Variants in HPS3 observed in about 807,000 individuals in gnomAD.
HPS3 encodes HPS3 biogenesis of lysosomal organelles complex 2 subunit 1, also known as BLOC-2 complex member HPS3.
In HPS3, 79 loss-of-function variants were observed where a neutral mutation model predicts 110.9. That is an observed-to-expected ratio of 0.71 (90% confidence interval 0.59 to 0.86). HPS3 has a LOEUF of 0.86. Ranked by LOEUF, HPS3 falls within the 40% of genes least tolerant of loss-of-function variation. The probability of loss-of-function intolerance (pLI) is 0.00; values close to 1 mark genes in which losing one functional copy is unlikely to be tolerated. For missense variants in HPS3, 1,197 were observed against 1,206.2 expected, an observed-to-expected ratio of 0.99 and a Z score of 0.11; for synonymous variants, 428 against 451.0, an observed-to-expected ratio of 0.95 and a Z score of 0.65.
chr3:149,130,212 G>A, intron 1 of HPS3: 4 of 553,182 alleles, frequency 7.2e-6, no homozygotes, highest in Non-Finnish European at 1.3e-5. Context: ...GCCTCTGGCT[G>A]GATTCCACTC....
intron 5 of HPS3, among the ~76,000 whole-genome samples, chr3:149,146,192 A>G (rs1178515352): frequency 6.6e-6 from 1 of 152,164 alleles, no homozygotes; most frequent in African/African-American, 2.4e-5. Context: ...AGCTTAGATT[A>G]TGTTCAGGGC....
intron 6 of HPS3, among the ~76,000 whole-genome samples, chr3:149,152,574 C>T (rs1313045371): frequency 2.0e-5 from 3 of 152,152 alleles, no homozygotes; most frequent in Non-Finnish European, 4.4e-5. Context: ...AACAAGCACA[C>T]GTTTAGCCCA....
chr3:149,166,070 G>C, intron 14 of HPS3: 1 of 454,182 alleles, frequency 2.2e-6, no homozygotes, highest in Non-Finnish European at 4.4e-6. Context: ...AAAGGGTACA[G>C]GGACAAGAAA....
At chr3:149,154,591 A>C (rs1232714695) in intron 7 of HPS3, among the ~76,000 whole-genome samples, 1 of 152,230 alleles carries the variant, frequency 6.6e-6, no homozygotes, top group African/African-American at 2.4e-5. Flanking sequence ...TTTGATAAAC[A>C]ATTATAAAAG....
chr3:149,160,582 G>A (rs1723734561), intron 11 of HPS3, among the ~76,000 whole-genome samples: 1 of 152,216 alleles, frequency 6.6e-6, no homozygotes, highest in South Asian at 2.1e-4. Context: ...TCTGGCATGA[G>A]GGATATGGTG....
chr3:149,136,036 T>C (rs1030679396), intron 1 of HPS3, among the ~76,000 whole-genome samples: 1 of 152,168 alleles, frequency 6.6e-6, no homozygotes, highest in East Asian at 1.9e-4. Flanking sequence ...AGGGAAAGTT[T>C]ACTTATTTTT....
chr3:149,140,228 C>T lies in HPS3; in HGVS notation c.442C>T (p.Leu148Phe). 1.2e-6 allele frequency: 2 copies of T among 1,614,140 alleles called. No individual in the cohort carries two copies. The highest frequency in any genetic ancestry group is 1.1e-5 in the South Asian group (1 of 91,080). ...TTCCTGTTGCCCTGTGAAAGGAGAC[C>T]TTCTCGTTGGCTGCACAAATAAATT... ...CISCCPVKGD[L>F]LVGCTNKLVL... Residue 148 changes from leucine to phenylalanine, a missense_variant, in exon 2 of 17, where the codon CTT (leucine) becomes TTT (phenylalanine). Physicochemically the swap from Leu to Phe is conservative, Grantham distance 22. Coordinates refer to ENST00000296051, the MANE Select transcript of HPS3 (RefSeq NM_032383.5).
intron 10 of HPS3, among the ~76,000 whole-genome samples, chr3:149,159,407 T>G (rs923930704): frequency 6.6e-6 from 1 of 151,856 alleles, no homozygotes; most frequent in Non-Finnish European, 1.5e-5. Flanking sequence ...TACAGAAAAT[T>G]AAAAAATTAG....
chr3:149,156,080 C>A (rs929528779), intron 8 of HPS3, among the ~76,000 whole-genome samples: 2 of 152,152 alleles, frequency 1.3e-5, no homozygotes, highest in African/African-American at 4.8e-5. Context: ...TATTCCCATT[C>A]CCCACACAGA....
chr3:149,142,868 C>T (rs1309288126), intron 4 of HPS3, among the ~76,000 whole-genome samples: 1 of 151,986 alleles, frequency 6.6e-6, no homozygotes, highest in African/African-American at 2.4e-5. Flanking sequence ...AACAAAAGAC[C>T]CTGACCTCAT....
At chr3:149,154,076 A>G (rs1723296051) in intron 7 of HPS3, 1 of 194,970 alleles carries the variant, frequency 5.1e-6, no homozygotes, top group African/African-American at 2.4e-5. Flanking sequence ...ACCTTAAAGC[A>G]CATTTATGAT....
chr3:149,150,507 C>T lies in HPS3; in HGVS notation c.1164-92C>T, dbSNP rs1354556246. On this transcript the variant is annotated intron_variant, in intron 5 of 16. Coordinates refer to ENST00000296051, the MANE Select transcript of HPS3 (RefSeq NM_032383.5). ...ACAAATACTTGACTGTCACCCCTGC[C>T]CATTGCCCTGTTTGCCTGTGAAACC... is the stretch of plus-strand genomic sequence containing the variant. 9.5e-6 allele frequency: 8 copies of T among 838,250 alleles called. No homozygotes were observed. The East Asian group carries it at 1.3e-4, about 14-fold the overall frequency. The allele number at this position is 838,250 out of a possible 1,614,324, so 51.9% of individuals were successfully genotyped here. A position where few individuals can be genotyped will look rare whatever the true frequency, so the allele number is the denominator to read the frequency against.
At chr3:149,164,739 C>A (rs1724233712) in intron 14 of HPS3, among the ~76,000 whole-genome samples, 1 of 152,208 alleles carries the variant, frequency 6.6e-6, no homozygotes, top group African/African-American at 2.4e-5. Flanking sequence ...AGGGTTGGGG[C>A]TGACCCGCAG....
At chr3:149,163,018 C>A in intron 13 of HPS3, 140 bp downstream of exon 13, 1 of 748,894 alleles carries the variant, frequency 1.3e-6, no homozygotes, top group Non-Finnish European at 2.2e-6. Context: ...GTTAAAAATA[C>A]ACTTAAAATT....
At chr3:149,166,610 A>G (rs1175443343) in intron 14 of HPS3, among the ~76,000 whole-genome samples, 2 of 152,164 alleles carry the variant, frequency 1.3e-5, no homozygotes, top group Non-Finnish European at 2.9e-5. Context: ...TGAGTGTGCC[A>G]TATGTATTTA....
intron 12 of HPS3, 56 bp downstream of exon 12, chr3:149,162,389 G>T: frequency 6.8e-7 from 1 of 1,474,946 alleles, no homozygotes; most frequent in Non-Finnish European, 9.5e-7. Context: ...TTGGTGGTGG[G>T]GAGGGACAGA....
At chr3:149,152,037 C>T (rs1014655968) in intron 6 of HPS3, among the ~76,000 whole-genome samples, 15 of 152,108 alleles carry the variant, frequency 9.9e-5, no homozygotes, top group Non-Finnish European at 2.9e-5. Flanking sequence ...TTTTAATGGC[C>T]TGCCTGTGGT....
chr3:149,139,561 C>T (rs1482419571), intron 1 of HPS3, among the ~76,000 whole-genome samples: 1 of 152,146 alleles, frequency 6.6e-6, no homozygotes, highest in Non-Finnish European at 1.5e-5. Context: ...CCAACTTTAT[C>T]CTGTTTCTCA....
intron 2 of HPS3, 148 bp from the exon 3 acceptor site, chr3:149,140,869 G>T: frequency 1.4e-6 from 1 of 709,244 alleles, no homozygotes; most frequent in Non-Finnish European, 2.4e-6. Context: ...GATTAAATGA[G>T]CAAGTGCTAA....
Sources: gnomAD v4.1 joint callset for allele counts (sites outside exome capture counted in the v4.1 genomes callset) on GRCh38, gnomAD v4.1.1 for gene constraint, MANE v1.5 for transcripts, NCBI Gene and HGNC (gene_info 2026-07-23, HGNC 2026-07-21) for gene names.